Variants in SHE observed in about 807,000 individuals in gnomAD.
The protein encoded by SHE is Src homology 2 domain containing E, also known as SH2 domain-containing adapter protein E.
Under a neutral mutation model 49.8 loss-of-function variants are expected in SHE, and 11 were observed. The observed-to-expected ratio is 0.22, with a 90% CI of 0.14 to 0.37. The LOEUF is 0.37. SHE is among the 10% of genes least tolerant of loss of function. SHE has a pLI of 1.00. For synonymous variants in SHE, 310 were observed against 278.1 expected (o/e 1.11, Z -1.14); for missense variants, 624 against 655.5 (o/e 0.95, Z 0.52).
chr1:154,494,897 C>T (rs1459595027), intron 2 of SHE, among the ~76,000 whole-genome samples: 2 of 152,190 alleles, frequency 1.3e-5, no homozygotes, highest in East Asian at 1.9e-4. Flanking sequence ...ACTAAAAATA[C>T]GAAAATTAGC....
downstream of SHE, among the ~76,000 whole-genome samples, chr1:154,474,707 G>C (rs1377127046): frequency 1.3e-5 from 2 of 152,072 alleles, no homozygotes; most frequent in African/African-American, 4.8e-5. Flanking sequence ...GTTTTGCTAT[G>C]TTGGCCAGGC....
rs1252104562 is a variant in SHE, at chr1:154,481,486, T to C, written c.*2663A>G. On this transcript the variant is annotated 3_prime_UTR_variant, in exon 6 of 6. Coordinates refer to ENST00000304760, the MANE Select transcript of SHE (RefSeq NM_001010846.3). ...GGGCATATGACAGAAGCTCAATAAA[T>C]ACTTAATGTATCTGGCCTGTTTTCA... The C allele has an allele frequency of 1.0e-6, 1 of 985,324 alleles. No homozygotes were observed. Among genetic ancestry groups the C allele is most frequent in the East Asian group, 1.1e-4 (1 of 8,836 alleles). The allele number at this position is 985,324 out of a possible 1,614,324, so 61.0% of individuals were successfully genotyped here.
In SHE at chr1:154,479,654, T is replaced by A; in HGVS notation, c.*4495A>T. ...TATATTACATACAATCTTCAAACAT[T>A]TTTAAAAGTTGAAACTATGTATTAG... is the stretch of plus-strand genomic sequence containing the variant. On this transcript the variant is annotated 3_prime_UTR_variant, in exon 6 of 6. Transcript: ENST00000304760. 1 of 974,412 alleles carries A rather than the reference T, an allele frequency of 1.0e-6. No homozygotes were observed. The highest frequency in any genetic ancestry group is 4.8e-5 in the South Asian group (1 of 21,032). The allele number at this position is 974,412 out of a possible 1,614,324, so 60.4% of individuals were successfully genotyped here.
chr1:154,483,942 G>A lies in SHE; in HGVS notation c.*207C>T. On this transcript the variant is annotated 3_prime_UTR_variant, in exon 6 of 6. Coordinates refer to ENST00000304760, the MANE Select transcript of SHE (RefSeq NM_001010846.3). ...GAACCCAGGAGTCAGATGTTGCAGTGAGCCAAGATTGCGCCATTGCACTCC... is the reference window on the plus strand; with the variant it reads ...GAACCCAGGAGTCAGATGTTGCAGTAAGCCAAGATTGCGCCATTGCACTCC... The A allele has an allele frequency of 7.4e-7, 1 of 1,348,296 alleles. No individual in the cohort carries two copies. The highest frequency in any genetic ancestry group is 1.9e-5 in the South Asian group (1 of 53,202). 83.5% of individuals were successfully genotyped at this position (1,348,296 alleles called of 1,614,324 possible). A position where few individuals can be genotyped will look rare whatever the true frequency, so the allele number is the denominator to read the frequency against.
At position 154,486,194 on chromosome 1, in the gene SHE, C is replaced by T. The variant is rs372201188; in HGVS notation, c.1182-132G>A. The T allele has an allele frequency of 1.3e-4, 158 of 1,250,104 alleles. 3 individuals are homozygous for T. Among genetic ancestry groups the T allele is most frequent in the East Asian group, 5.9e-4 (24 of 40,922 alleles). The allele number at this position is 1,250,104 out of a possible 1,614,324, so 77.4% of individuals were successfully genotyped here. ...ACGCAACAGCCTGAACTAGATCCTG[C>T]TTCACATTCAGAACAGACAAAATGC... On this transcript the variant is annotated intron_variant, in intron 4 of 5. Transcript: ENST00000304760.
intron 2 of SHE, among the ~76,000 whole-genome samples, chr1:154,491,211 T>A (rs548945460): frequency 5.9e-5 from 9 of 152,338 alleles, no homozygotes; most frequent in Admixed American, 3.3e-4. Context: ...ACCTCATCTC[T>A]TAACACCTCA....
chr1:154,489,182 T>G lies in SHE; in HGVS notation c.893A>C (p.Glu298Ala), dbSNP rs1191023832. ...CTTCCCCTCTGCCCTGGGCCCCCCT[T>G]CTGCAGGCTCGTAGGGAGTGTCGTA... ...QLYDTPYEPA[E>A]GGPRAEGKAR... The change falls in exon 3 of 6, where the codon GAA becomes GCA. Residue 298 changes from glutamate to alanine, a missense_variant. Around this residue, in one of 4 missense-constraint regions of SHE, gnomAD observed 155 missense variants for 142.0 expected, o/e 1.09. Transcript: ENST00000304760. 5 of 1,614,046 alleles carry G rather than the reference T, an allele frequency of 3.1e-6. No homozygotes were observed. In the African/African-American group the frequency reaches 6.7e-5, roughly 22 times the overall value.
chr1:154,496,281 AAGTT>A (rs1203112662), intron 2 of SHE, among the ~76,000 whole-genome samples: 3 of 152,226 alleles, frequency 2.0e-5, no homozygotes, highest in Non-Finnish European at 2.9e-5. Context: ...CTAGTTTAGA[AAGTT>A]AGTAATTTGG....
rs1260900117 is a variant in SHE, at chr1:154,479,591, T to G, written c.*4558A>C. Reference sequence around the variant, plus strand: ...AACAACCAGAAGTTTTATAAAATATTTCTGATTTAAATTACTAAGGCACTA... The same window carrying G: ...AACAACCAGAAGTTTTATAAAATATGTCTGATTTAAATTACTAAGGCACTA... On this transcript the variant is annotated 3_prime_UTR_variant, in exon 6 of 6. Transcript: ENST00000304760. The G allele has an allele frequency of 1.0e-6, 1 of 974,912 alleles. No homozygotes were observed. Among genetic ancestry groups the G allele is most frequent in the Non-Finnish European group, 1.2e-6 (1 of 820,522 alleles). 60.4% of individuals were successfully genotyped at this position (974,912 alleles called of 1,614,324 possible).
chr1:154,481,836 A>G lies in SHE; in HGVS notation c.*2313T>C. 2.1e-6 allele frequency: 2 copies of G among 972,084 alleles called. No individual in the cohort carries two copies. Among genetic ancestry groups the G allele is most frequent in the Non-Finnish European group, 1.2e-6 (1 of 817,774 alleles). 60.2% of individuals were successfully genotyped at this position (972,084 alleles called of 1,614,324 possible). ...CATTCTATCAGTATCTGAAAAAAAC[A>G]TTCCTTTTGGTTTTTTGTTTGCTTG... On this transcript the variant is annotated 3_prime_UTR_variant, in exon 6 of 6. Transcript: ENST00000304760.
In SHE at chr1:154,499,258, G is replaced by A. The variant is rs746498463; in HGVS notation, c.592-20C>T. The A allele has an allele frequency of 1.2e-6, 2 of 1,608,962 alleles. No homozygotes were observed. Among genetic ancestry groups the A allele is most frequent in the East Asian group, 2.2e-5 (1 of 44,810 alleles). On this transcript the variant is annotated intron_variant, in intron 1 of 5. Transcript: ENST00000304760. ...GATGACCTGAAAAAGAACAAGAGAGGACAGTTGCTAAGGGCCACCGTATAC... is the reference window on the plus strand; with the variant it reads ...GATGACCTGAAAAAGAACAAGAGAGAACAGTTGCTAAGGGCCACCGTATAC...
intron 2 of SHE, among the ~76,000 whole-genome samples, chr1:154,498,605 C>A (rs1230951513): frequency 1.3e-5 from 2 of 150,034 alleles, no homozygotes; most frequent in Non-Finnish European, 3.0e-5. Flanking sequence ...ACTATGTTGG[C>A]CAGGCTGGTC....
Position 154,483,257 on chromosome 1 carries a change from G to A in SHE, c.*892C>T, listed in dbSNP as rs1464047535. 1.0e-6 allele frequency: 1 copy of A among 985,216 alleles called. No homozygotes were observed. Among genetic ancestry groups the A allele is most frequent in the Non-Finnish European group, 1.2e-6 (1 of 829,924 alleles). 61.0% of individuals were successfully genotyped at this position (985,216 alleles called of 1,614,324 possible). A position where few individuals can be genotyped will look rare whatever the true frequency, so the allele number is the denominator to read the frequency against. On this transcript the variant is annotated 3_prime_UTR_variant, in exon 6 of 6. Transcript: ENST00000304760. Reference sequence around the variant, plus strand: ...AGATTGAGAGAACACACACTTTCTTGGAAAGGCTGACCAACAAAATAATCC... The same window carrying A: ...AGATTGAGAGAACACACACTTTCTTAGAAAGGCTGACCAACAAAATAATCC...
At chr1:154,486,719 T>C (rs774182039) in intron 3 of SHE, 36 bp from the exon 4 acceptor site, 2 of 1,609,078 alleles carry the variant, frequency 1.2e-6, no homozygotes, top group Non-Finnish European at 1.7e-6. Context: ...CACAGGCCAC[T>C]GCGGTGACCC....
intron 1 of SHE, among the ~76,000 whole-genome samples, chr1:154,472,040 G>T (rs1364334756): frequency 6.6e-6 from 1 of 152,068 alleles, no homozygotes; most frequent in Non-Finnish European, 1.5e-5. Context: ...GGGCATGGTG[G>T]TGGGCGCCTG....
intron 1 of SHE, among the ~76,000 whole-genome samples, chr1:154,500,783 T>C (rs1692695681): frequency 6.6e-6 from 1 of 152,202 alleles, no homozygotes; most frequent in South Asian, 2.1e-4. Flanking sequence ...ATCTGTAATT[T>C]CCTTGAGAGC....
Position 154,479,652 on chromosome 1 carries a change from A to G in SHE, c.*4497T>C. The stretch of plus-strand genomic sequence containing the variant: ...CCTATATTACATACAATCTTCAAAC[A>G]TTTTTAAAAGTTGAAACTATGTATT... On this transcript the variant is annotated 3_prime_UTR_variant, in exon 6 of 6. Coordinates refer to ENST00000304760, the MANE Select transcript of SHE (RefSeq NM_001010846.3). 2.1e-6 allele frequency: 2 copies of G among 973,572 alleles called. No homozygotes were observed. Among genetic ancestry groups the G allele is most frequent in the South Asian group, 4.8e-5 (1 of 21,022 alleles). The allele number at this position is 973,572 out of a possible 1,614,324, so 60.3% of individuals were successfully genotyped here.
chr1:154,469,966 G>A (rs1691703939), exon 2 of SHE: 1 of 188,818 alleles, frequency 5.3e-6, no homozygotes, highest in Non-Finnish European at 1.1e-5. Context: ...CTTTGTGGGT[G>A]AGAGCTACTG....
chr1:154,476,250 G>A (rs1382386657), downstream of SHE, among the ~76,000 whole-genome samples: 1 of 152,196 alleles, frequency 6.6e-6, no homozygotes, highest in Non-Finnish European at 1.5e-5. Flanking sequence ...GGAAGTTGAG[G>A]TGGGAGAATT....
Sources: allele counts gnomAD v4.1 joint callset (sites outside exome capture counted in the v4.1 genomes callset), GRCh38; gene constraint gnomAD v4.1.1; regional missense constraint gnomAD v4.1.1; transcripts MANE v1.5; gene names NCBI Gene and HGNC (gene_info 2026-07-23, HGNC 2026-07-21).